Variants in CTNND2 observed in about 807,000 individuals in gnomAD.
CTNND2 encodes the protein catenin delta 2.
A neutral mutation model predicts 144.4 loss-of-function variants in CTNND2; 22 were observed. That is an observed-to-expected ratio of 0.15 (90% CI 0.11 to 0.22). The LOEUF (loss-of-function observed/expected upper bound fraction) is 0.22. Among genes scored for constraint, CTNND2 ranks in the 10% least tolerant of loss-of-function variants. The pLI, the probability that CTNND2 is intolerant of heterozygous loss-of-function variation, is 1.00. For missense variants in CTNND2, 1,353 were observed against 1,618.8 expected (o/e 0.84, Z 2.82); for synonymous variants, 751 against 695.6 (o/e 1.08, Z -1.25).
chr5:11,751,468 T>C (rs1254072791), intron 1 of CTNND2, among the ~76,000 whole-genome samples: 1 of 151,868 alleles, frequency 6.6e-6, no homozygotes, highest in Non-Finnish European at 1.5e-5. Context: ...CTTCCACTTA[T>C]AAGTGAGAAC....
At chr5:11,403,318 C>T (rs1561341892) in intron 5 of CTNND2, among the ~76,000 whole-genome samples, 1 of 152,130 alleles carries the variant, frequency 6.6e-6, no homozygotes, top group Non-Finnish European at 1.5e-5. Context: ...TTTTCTGCTC[C>T]TGTGTTAGTT....
At chr5:11,133,138 G>A (rs1049309447) in intron 12 of CTNND2, among the ~76,000 whole-genome samples, 2 of 152,098 alleles carry the variant, frequency 1.3e-5, no homozygotes, top group Non-Finnish European at 2.9e-5. Context: ...GGTAATGGGA[G>A]ATGGGGATAA....
intron 1 of CTNND2, among the ~76,000 whole-genome samples, chr5:11,748,284 T>C (rs182623701): frequency 6.6e-6 from 1 of 152,098 alleles, no homozygotes; most frequent in Non-Finnish European, 1.5e-5. Flanking sequence ...TTTTAAGTGA[T>C]ATAACCTGCC....
At chr5:11,273,846 C>G (rs552276151) in intron 9 of CTNND2, among the ~76,000 whole-genome samples, 3 of 152,122 alleles carry the variant, frequency 2.0e-5, no homozygotes, top group African/African-American at 7.2e-5. Flanking sequence ...AAAAGTTGTG[C>G]GCCATCCTGA....
intron 2 of CTNND2, among the ~76,000 whole-genome samples, chr5:11,641,816 A>G (rs543525483): frequency 4.4e-4 from 65 of 149,350 alleles, no homozygotes; most frequent in Non-Finnish European, 5.3e-4. Context: ...GTATGTACAT[A>G]CATATACGTA....
chr5:11,068,284 T>G (rs1747835128), intron 16 of CTNND2, among the ~76,000 whole-genome samples: 1 of 152,230 alleles, frequency 6.6e-6, no homozygotes, highest in Non-Finnish European at 1.5e-5. Context: ...AAACAAGTAC[T>G]CATATCTAGG....
intron 18 of CTNND2, among the ~76,000 whole-genome samples, chr5:11,002,554 C>G (rs528283372): frequency 1.4e-4 from 21 of 152,230 alleles, no homozygotes; most frequent in Admixed American, 1.0e-3. Flanking sequence ...AAGGGCTGCT[C>G]AAATGAAGGT....
chr5:11,363,547 T>G (rs1756667772), intron 8 of CTNND2, among the ~76,000 whole-genome samples: 1 of 152,194 alleles, frequency 6.6e-6, no homozygotes, highest in African/African-American at 2.4e-5. Context: ...TAGGCATTCT[T>G]TATCATCAAA....
chr5:11,171,310 T>C (rs565000839), intron 11 of CTNND2, among the ~76,000 whole-genome samples: 1 of 152,210 alleles, frequency 6.6e-6, no homozygotes, highest in South Asian at 2.1e-4. Context: ...AGAGCTGGGG[T>C]ATAAACACAG....
At chr5:11,531,580 C>A (rs1773748137) in intron 3 of CTNND2, among the ~76,000 whole-genome samples, 3 of 152,098 alleles carry the variant, frequency 2.0e-5, no homozygotes, top group Admixed American at 1.3e-4. Context: ...GAGCTGAGAT[C>A]ATGCCACTGT....
intron 18 of CTNND2, among the ~76,000 whole-genome samples, chr5:10,995,479 G>T (rs1049574454): frequency 6.6e-6 from 1 of 152,232 alleles, no homozygotes; most frequent in African/African-American, 2.4e-5. Flanking sequence ...TCTTTGGTCA[G>T]GTTGGTAAAT....
chr5:11,767,148 A>G lies in CTNND2; in HGVS notation c.38-34876T>C, dbSNP rs78782890. The stretch of plus-strand genomic sequence containing the variant: ...CTTTCCCTGGACCTAATGAATCAGC[A>G]TTGTAACAAGATGCTAAGCACATGT... On this transcript the variant is annotated intron_variant, in intron 1 of 21. Coordinates refer to ENST00000304623, the MANE Select transcript of CTNND2 (RefSeq NM_001332.4). Among the ~76,000 whole-genome samples the G allele has an allele frequency of 6.0e-4, 92 of 152,340 alleles. 1 individual carries two copies. The East Asian group carries it at 0.017, about 29-fold the overall frequency.
At chr5:11,624,726 G>A (rs192484356) in intron 2 of CTNND2, among the ~76,000 whole-genome samples, 1 of 151,928 alleles carries the variant, frequency 6.6e-6, no homozygotes, top group Non-Finnish European at 1.5e-5. Context: ...AAATGATTCT[G>A]CTCCTGTTAA....
intron 9 of CTNND2, among the ~76,000 whole-genome samples, chr5:11,305,646 G>A (rs142672343): frequency 3.4e-4 from 52 of 152,214 alleles, no homozygotes; most frequent in African/African-American, 1.2e-3. Flanking sequence ...GGGCTGCTAC[G>A]GGAAATAAAA....
chr5:11,162,429 A>C (rs1474161445), intron 11 of CTNND2, among the ~76,000 whole-genome samples: 2 of 152,174 alleles, frequency 1.3e-5, no homozygotes, highest in Non-Finnish European at 2.9e-5. Flanking sequence ...ACTTTTCCTT[A>C]ATTAGTTAAT....
At chr5:11,740,969 T>G (rs35946552) in intron 1 of CTNND2, among the ~76,000 whole-genome samples, 22,141 of 152,092 alleles carry the variant, frequency 0.15, 1,781 homozygotes, top group East Asian at 0.29. Flanking sequence ...ATGAAAAAAT[T>G]CTCATCGTCA....
chr5:11,618,849 T>C (rs1031233509), intron 2 of CTNND2, among the ~76,000 whole-genome samples: 1 of 152,186 alleles, frequency 6.6e-6, no homozygotes, highest in Non-Finnish European at 1.5e-5. Flanking sequence ...TATCCGATTA[T>C]TGTATCTATC....
rs532859932 is a variant in CTNND2 at position 11,314,881 on chromosome 5, G to C, written c.1628+31491C>G. On this transcript the variant is annotated intron_variant, in intron 9 of 21. Coordinates refer to ENST00000304623, the MANE Select transcript of CTNND2 (RefSeq NM_001332.4). ...GCTGGTAGGGTGGCCAGGGAAAATA[G>C]AGAGTGCCCAGTTATTGTTGAATTT... 2.6e-5 allele frequency among the ~76,000 whole-genome samples: 4 copies of C among 152,316 alleles called. No individual in the cohort carries two copies. In the South Asian group the frequency reaches 8.3e-4, roughly 32 times the overall value.
intron 1 of CTNND2, among the ~76,000 whole-genome samples, chr5:11,898,929 A>T (rs1737628722): frequency 6.6e-6 from 1 of 152,224 alleles, no homozygotes; most frequent in Non-Finnish European, 1.5e-5. Flanking sequence ...GTTGCTGAAG[A>T]TCACAGTTCT....
Sources: gnomAD v4.1 joint callset for allele counts (sites outside exome capture counted in the v4.1 genomes callset) on GRCh38, gnomAD v4.1.1 for gene constraint, MANE v1.5 for transcripts, NCBI Gene and HGNC (gene_info 2026-07-23, HGNC 2026-07-21) for gene names.